The following DMD variants were observed in gnomAD, a reference collection of about 807,000 sequenced individuals.
DMD encodes mutant dystrophin.
A neutral mutation model predicts 330.1 loss-of-function variants in DMD; 63 were observed. That is an observed-to-expected ratio of 0.19 (90% CI 0.16 to 0.24). The LOEUF is 0.24. DMD is among the 10% of genes least tolerant of loss of function. The pLI is 1.00. For missense variants in DMD, 3,344 were observed against 2,684.1 expected, an observed-to-expected ratio of 1.25 and a Z score of -5.43; for synonymous variants, 1,223 against 959.8, an observed-to-expected ratio of 1.27 and a Z score of -5.07.
chrX:31,391,358 C>A (rs1273659861), intron 60 of DMD, among the ~76,000 whole-genome samples: 1 of 109,983 alleles, frequency 9.1e-6, no homozygotes. Flanking sequence ...CCGCCCGCCT[C>A]GGGGTCCCAA....
chrX:33,261,038 A>G (rs7889272), intron 1 of DMD, among the ~76,000 whole-genome samples: 7,686 of 111,167 alleles, frequency 0.069, 658 homozygotes, highest in African/African-American at 0.24. Flanking sequence ...ATTAAAATTC[A>G]GCTTTAATAA....
At chrX:31,853,472 C>G (rs2093565394) in intron 48 of DMD, among the ~76,000 whole-genome samples, 1 of 111,951 alleles carries the variant, frequency 8.9e-6, no homozygotes, top group African/African-American at 3.2e-5. Flanking sequence ...CATCTGGGTT[C>G]TAGGCTTATT....
intron 18 of DMD, among the ~76,000 whole-genome samples, chrX:32,506,420 TAAAA>T (rs57359370): frequency 1.4e-5 from 1 of 71,487 alleles, no homozygotes. Context: ...TACAAAATGC[TAAAA>T]AAAAAAAAAA....
chrX:32,448,012 T>C (rs987285627), intron 27 of DMD, among the ~76,000 whole-genome samples: 9 of 110,831 alleles, frequency 8.1e-5, no homozygotes, highest in African/African-American at 2.3e-4. Context: ...CTAAAGACAA[T>C]TGTAGTAAAA....
Position 33,044,517 on chromosome X carries a change from C to T in DMD, c.32-24317G>A, listed in dbSNP as rs977580963. On this transcript the variant is annotated intron_variant, in intron 1 of 78. Coordinates refer to ENST00000357033, the MANE Select transcript of DMD (RefSeq NM_004006.3). Reference sequence around the variant, plus strand: ...AACTGTGAACTGAACCAGTAAGATGCACATTGATTTAACTTCGGAAATAAT... The same window carrying T: ...AACTGTGAACTGAACCAGTAAGATGTACATTGATTTAACTTCGGAAATAAT... Among the ~76,000 whole-genome samples the T allele has an allele frequency of 3.6e-5, 4 of 112,085 alleles. No homozygotes were observed. In the Admixed American group the frequency reaches 3.8e-4, roughly 11 times the overall value.
chrX:33,109,185 C>T (rs1028403044), intron 1 of DMD, among the ~76,000 whole-genome samples: 3 of 110,965 alleles, frequency 2.7e-5, no homozygotes, highest in Non-Finnish European at 3.8e-5. Context: ...TTAGCTTTAA[C>T]ATAAGGCTTT....
In DMD at chrX:31,729,623, A is replaced by C; in HGVS notation, c.7660+8T>G. On this transcript the variant is annotated splice_region_variant and intron_variant, in intron 52 of 78. Coordinates refer to ENST00000357033, the MANE Select transcript of DMD (RefSeq NM_004006.3). ...CTTTGTGTGTCCCATGCTTGTTAAAAAACTTACTTCGATCCGTAATGATTG... is the reference window on the plus strand; with the variant it reads ...CTTTGTGTGTCCCATGCTTGTTAAACAACTTACTTCGATCCGTAATGATTG... 3.3e-6 allele frequency: 4 copies of C among 1,201,412 alleles called. No homozygotes were observed. Among genetic ancestry groups the C allele is most frequent in the Non-Finnish European group, 4.5e-6 (4 of 886,073 alleles).
chrX:32,822,418 T>A, intron 5 of DMD, among the ~76,000 whole-genome samples: 1 of 110,399 alleles, frequency 9.1e-6, no homozygotes, highest in Non-Finnish European at 1.9e-5. Flanking sequence ...AACGAGTTAC[T>A]ATTACGTATA....
At chrX:31,201,177 ACACACACACACACACACACACG>A (rs1267660175) in intron 67 of DMD, among the ~76,000 whole-genome samples, 5 of 107,719 alleles carry the variant, frequency 4.6e-5, no homozygotes, top group Non-Finnish European at 5.8e-5. Context: ...ACACACACAC[ACACACACACACACACACACACG>A]CACACACACA....
chrX:32,086,499 G>A (rs958438759), intron 44 of DMD, among the ~76,000 whole-genome samples: 1 of 111,205 alleles, frequency 9.0e-6, no homozygotes, highest in Non-Finnish European at 1.9e-5. Context: ...AGCCTTTGAC[G>A]CAAAAAACTG....
chrX:31,455,829 T>C (rs2066117286), intron 59 of DMD, among the ~76,000 whole-genome samples: 2 of 111,961 alleles, frequency 1.8e-5, no homozygotes, highest in African/African-American at 6.5e-5. Flanking sequence ...AGTGCATCTT[T>C]TGGAGGGCAT....
At chrX:31,720,021 T>C (rs968612860) in intron 52 of DMD, among the ~76,000 whole-genome samples, 9 of 111,842 alleles carry the variant, frequency 8.0e-5, no homozygotes, top group African/African-American at 2.9e-4. Context: ...TGATAATAAA[T>C]GATTATTGCT....
At chrX:33,057,743 T>C (rs775495407) in intron 1 of DMD, among the ~76,000 whole-genome samples, 1 of 112,316 alleles carries the variant, frequency 8.9e-6, no homozygotes, top group Non-Finnish European at 1.9e-5. Flanking sequence ...AAACTTCATA[T>C]AGATGGAATC....
intron 63 of DMD, 66 bp downstream of exon 63, chrX:31,260,889 T>C (rs1055180012): frequency 1.7e-5 from 18 of 1,075,332 alleles, no homozygotes; most frequent in Non-Finnish European, 2.1e-5. Context: ...ACTTTCACAC[T>C]GCAAACTACT....
chrX:32,559,049 C>G (rs935751731), intron 16 of DMD, among the ~76,000 whole-genome samples: 6 of 99,087 alleles, frequency 6.1e-5, no homozygotes, highest in African/African-American at 1.9e-4. Flanking sequence ...CTCCCGGGTT[C>G]AAGCAATTCT....
chrX:33,020,378 T>G (rs982189117), intron 1 of DMD, among the ~76,000 whole-genome samples, 178 bp from the exon 2 acceptor site: 35 of 112,228 alleles, frequency 3.1e-4, no homozygotes, highest in African/African-American at 1.1e-3. Flanking sequence ...AAATTAAAAT[T>G]ACTTCTGAAA....
intron 1 of DMD, among the ~76,000 whole-genome samples, chrX:33,304,439 G>A (rs1440962294): frequency 1.1e-3 from 124 of 110,637 alleles, no homozygotes; most frequent in African/African-American, 3.8e-3. Context: ...AGACTTAAAC[G>A]TTAGACCTAA....
rs931293521 is a variant in DMD at position 32,115,792 on chromosome X, T to C, written c.6438+101124A>G. 4.5e-5 allele frequency among the ~76,000 whole-genome samples: 5 copies of C among 111,750 alleles called. No homozygotes were observed. The East Asian group carries it at 8.5e-4, about 19-fold the overall frequency. On this transcript the variant is annotated intron_variant, in intron 44 of 78. Transcript: ENST00000357033. ...ATCACAGCAAATCCTGTCAGCTTTG[T>C]CTTTAAAATGTATCCTAAATACCAG...
chrX:32,619,526 T>C (rs995485523), intron 11 of DMD, among the ~76,000 whole-genome samples: 1 of 112,115 alleles, frequency 8.9e-6, no homozygotes, highest in African/African-American at 3.2e-5. Flanking sequence ...TGTTCCACAA[T>C]ATATATTTAC....
Sources: gnomAD v4.1 joint callset for allele counts (sites outside exome capture counted in the v4.1 genomes callset) on GRCh38, gnomAD v4.1.1 for gene constraint, MANE v1.5 for transcripts, NCBI Gene and HGNC (gene_info 2026-07-23, HGNC 2026-07-21) for gene names.